The following TSPAN2 variants were observed in gnomAD, a reference collection of about 807,000 sequenced individuals.
TSPAN2 encodes tetraspanin 2.
TSPAN2 carries 24 observed loss-of-function variants against 33.3 expected under a neutral mutation model. The ratio of observed to expected loss-of-function variants is 0.72; its 90% CI spans 0.52 to 1.01. The LOEUF is 1.01. Ranked by LOEUF, TSPAN2 falls within the 50% of genes least tolerant of loss-of-function variation. The pLI is 0.00. For missense variants in TSPAN2, 278 were observed against 281.3 expected (o/e 0.99, Z 0.08); for synonymous variants, 114 against 104.5 (o/e 1.09, Z -0.56).
In TSPAN2 at chr1:115,062,239, G is replaced by A. The variant is rs777039365; in HGVS notation, c.173-7C>T. On this transcript the variant is annotated splice_polypyrimidine_tract_variant and splice_region_variant and intron_variant, in intron 2 of 7. Coordinates refer to ENST00000369516, the MANE Select transcript of TSPAN2 (RefSeq NM_005725.6). ...CCAACCAGAACATACAGCCCTGTGG[G>A]GAAGAGGTCAGAGGAGACCACTGAG... 7 of 1,576,818 alleles carry A rather than the reference G, an allele frequency of 4.4e-6. No individual in the cohort carries two copies. In the South Asian group the frequency reaches 8.1e-5, roughly 18 times the overall value.
intron 1 of TSPAN2, among the ~76,000 whole-genome samples, chr1:115,073,527 A>ACCTCGTGG (rs1648275255): frequency 3.4e-5 from 2 of 59,064 alleles, no homozygotes; most frequent in Non-Finnish European, 7.5e-5. Context: ...ACCCACCCAC[A>ACCTCGTGG]CCTCGTGAGT....
chr1:115,060,578 C>T lies in TSPAN2; in HGVS notation c.271-40G>A, dbSNP rs78889596. On this transcript the variant is annotated intron_variant, in intron 3 of 7. Coordinates refer to ENST00000369516, the MANE Select transcript of TSPAN2 (RefSeq NM_005725.6). ...AAATACTAATTTCATTAATTTAATA[C>T]CTTTTCAATTTATATATTTTGCACC... 10 of 1,511,252 alleles carry T rather than the reference C, an allele frequency of 6.6e-6. No homozygotes were observed. The Admixed American group carries it at 1.8e-4, about 27-fold the overall frequency. 93.6% of individuals were successfully genotyped at this position (1,511,252 alleles called of 1,614,324 possible). A position where few individuals can be genotyped will look rare whatever the true frequency, so the allele number is the denominator to read the frequency against.
intron 7 of TSPAN2, among the ~76,000 whole-genome samples, chr1:115,051,276 T>C (rs1210710419): frequency 6.6e-6 from 1 of 151,884 alleles, no homozygotes; most frequent in Non-Finnish European, 1.5e-5. Context: ...ACCACTTCAC[T>C]CCCTGGTGAC....
At chr1:115,071,535 T>C (rs1407421550) in intron 2 of TSPAN2, among the ~76,000 whole-genome samples, 4 of 152,188 alleles carry the variant, frequency 2.6e-5, no homozygotes, top group Admixed American at 2.6e-4. Flanking sequence ...TTTACTATAT[T>C]TCATCACTGT....
At chr1:115,061,540 T>C (rs1227074491) in intron 3 of TSPAN2, among the ~76,000 whole-genome samples, 1 of 151,784 alleles carries the variant, frequency 6.6e-6, no homozygotes, top group Admixed American at 6.6e-5. Context: ...CTGTGAAATA[T>C]TTTTTTTTAA....
At chr1:115,058,815 T>G in intron 5 of TSPAN2, 68 bp downstream of exon 5, 1 of 1,278,854 alleles carries the variant, frequency 7.8e-7, no homozygotes, top group Non-Finnish European at 1.1e-6. Context: ...TCCTGGTGAT[T>G]GGTGAGAACC....
At chr1:115,063,870 A>G (rs57276179) in intron 2 of TSPAN2, among the ~76,000 whole-genome samples, 31,636 of 152,110 alleles carry the variant, frequency 0.21, 3,854 homozygotes, top group Non-Finnish European at 0.27. Flanking sequence ...ACACATGGAC[A>G]TAAAGATGGG....
chr1:115,072,848 G>T, intron 2 of TSPAN2, 57 bp downstream of exon 2: 2 of 1,436,838 alleles, frequency 1.4e-6, no homozygotes, highest in African/African-American at 1.4e-5. Context: ...TCTGCTCTAA[G>T]TCTTTGCACA....
At chr1:115,056,771 G>C (rs964814274) in intron 6 of TSPAN2, among the ~76,000 whole-genome samples, 1 of 152,152 alleles carries the variant, frequency 6.6e-6, no homozygotes, top group South Asian at 2.1e-4. Flanking sequence ...CTCCTTGTGA[G>C]TAGGAACTTT....
At chr1:115,072,852 T>G (rs1648235220) in intron 2 of TSPAN2, 53 bp downstream of exon 2, 1 of 1,465,842 alleles carries the variant, frequency 6.8e-7, no homozygotes, top group Admixed American at 1.7e-5. Context: ...CTCTAAGTCT[T>G]TGCACAGCCC....
At chr1:115,080,710 A>C (rs908810439) in intron 1 of TSPAN2, among the ~76,000 whole-genome samples, 1 of 152,254 alleles carries the variant, frequency 6.6e-6, no homozygotes, top group Non-Finnish European at 1.5e-5. Context: ...AAGTCACAGA[A>C]GTGAACTGAA....
rs7553371 is a variant in TSPAN2 at position 115,048,432 on chromosome 1, T to A, written c.*2058A>T. ...TACTCATACGCATATTTTGGAAAGCTTATCTCCAAAAGGGGCACATTAATC... is the reference window on the plus strand; with the variant it reads ...TACTCATACGCATATTTTGGAAAGCATATCTCCAAAAGGGGCACATTAATC... On this transcript the variant is annotated 3_prime_UTR_variant, in exon 8 of 8. Transcript: ENST00000369516. 4 of 151,494 alleles carry A rather than the reference T, an allele frequency of 2.6e-5. No homozygotes were observed. The highest frequency in any genetic ancestry group is 9.7e-5 in the African/African-American group (4 of 41,310). The allele number at this position is 151,494 out of a possible 1,614,324, so 9.4% of individuals were successfully genotyped here.
intron 4 of TSPAN2, among the ~76,000 whole-genome samples, chr1:115,060,180 G>A (rs972976660): frequency 1.3e-5 from 2 of 152,092 alleles, no homozygotes; most frequent in Admixed American, 6.5e-5. Context: ...TTTCACAATG[G>A]GGAAGAATCT....
rs146880849 is a variant in TSPAN2 at position 115,058,718 on chromosome 1, G to T, written c.444+165C>A. 7.2e-3 allele frequency among the ~76,000 whole-genome samples: 1,100 copies of T among 152,314 alleles called. 8 individuals carry two copies. Among genetic ancestry groups the T allele is most frequent in the Non-Finnish European group, 0.012 (849 of 68,032 alleles). On this transcript the variant is annotated intron_variant, in intron 5 of 7. Transcript: ENST00000369516. Reference sequence around the variant, plus strand: ...GTGATAGACATCTTTCCCTTCTAGGGTTCCACACATAATGCAAACTGTGGC... The same window carrying T: ...GTGATAGACATCTTTCCCTTCTAGGTTTCCACACATAATGCAAACTGTGGC...
At chr1:115,088,586 C>G (rs1570989729) in intron 1 of TSPAN2, among the ~76,000 whole-genome samples, 1 of 152,202 alleles carries the variant, frequency 6.6e-6, no homozygotes, top group African/African-American at 2.4e-5. Context: ...TCCTATCTCT[C>G]TGTGAACCAT....
intron 6 of TSPAN2, among the ~76,000 whole-genome samples, chr1:115,055,769 G>A (rs1036906900): frequency 1.3e-5 from 2 of 152,196 alleles, no homozygotes; most frequent in South Asian, 4.1e-4. Flanking sequence ...CAATCTGCCT[G>A]CCTCTGCCTC....
At chr1:115,058,534 ACAGGTC>A in intron 5 of TSPAN2, 1 of 271,680 alleles carries the variant, frequency 3.7e-6, no homozygotes, top group Non-Finnish European at 6.9e-6. Flanking sequence ...TTTCTGACTT[ACAGGTC>A]ACACTTGTTT....
chr1:115,089,397 CT>C lies in TSPAN2; in HGVS notation c.35del (p.Lys12SerfsTer31). 1 of 1,595,294 alleles carries C rather than the reference CT, an allele frequency of 6.3e-7. No individual in the cohort carries two copies. The highest frequency in any genetic ancestry group is 8.5e-7 in the Non-Finnish European group (1 of 1,172,444). On this transcript the variant is annotated frameshift_variant, in exon 1 of 8. Transcript: ENST00000369516. LOFTEE classifies it high-confidence loss of function. The part of the protein sequence containing the change: ...GRFRGGLRCI[K>X]YLLLGFNLLF... ...GCAGGTTGAAGCCAAGCAGCAGGTA[CT>C]TGATGCACCGCAGGCCCCCGCGGAA...
intron 6 of TSPAN2, among the ~76,000 whole-genome samples, chr1:115,054,797 G>A (rs1406016645): frequency 6.6e-6 from 1 of 152,070 alleles, no homozygotes; most frequent in Non-Finnish European, 1.5e-5. Context: ...GACCAGCCTG[G>A]CCAACATGGT....
Sources: allele counts gnomAD v4.1 joint callset (sites outside exome capture counted in the v4.1 genomes callset), GRCh38; gene constraint gnomAD v4.1.1; transcripts MANE v1.5; gene names NCBI Gene and HGNC (gene_info 2026-07-23, HGNC 2026-07-21).